Variants in HPSE2 observed in about 807,000 individuals in gnomAD.
HPSE2 encodes heparanase 2 (inactive), also known as inactive heparanase-2.
HPSE2 carries 38 observed loss-of-function variants against 60.5 expected under a neutral mutation model. The observed-to-expected ratio is 0.63, with a 90% CI of 0.48 to 0.82. The LOEUF is 0.82. HPSE2 is among the 40% of genes least tolerant of loss of function. The probability of loss-of-function intolerance (pLI) is 0.00; values close to 1 mark genes in which losing one functional copy is unlikely to be tolerated. For missense variants in HPSE2, 713 were observed against 740.4 expected (o/e 0.96, Z 0.43); for synonymous variants, 295 against 293.2 (o/e 1.01, Z -0.06).
intron 3 of HPSE2, among the ~76,000 whole-genome samples, chr10:98,926,350 T>A (rs1176227477): frequency 6.6e-6 from 1 of 152,142 alleles, no homozygotes; most frequent in East Asian, 1.9e-4. Context: ...ATATTAAATA[T>A]AACCAGATGG....
intron 9 of HPSE2, among the ~76,000 whole-genome samples, chr10:98,513,547 A>G (rs1942492199): frequency 6.6e-6 from 1 of 152,160 alleles, no homozygotes; most frequent in Non-Finnish European, 1.5e-5. Flanking sequence ...AGTGAAAGCA[A>G]TCATAAACTT....
chr10:99,079,078 C>T (rs185276604), intron 3 of HPSE2, among the ~76,000 whole-genome samples: 2 of 152,168 alleles, frequency 1.3e-5, no homozygotes, highest in East Asian at 1.9e-4. Flanking sequence ...CCATTTGTTC[C>T]GTATTGAGTC....
At chr10:98,762,294 G>C (rs971035153) in intron 3 of HPSE2, among the ~76,000 whole-genome samples, 6 of 113,778 alleles carry the variant, frequency 5.3e-5, no homozygotes, top group Admixed American at 1.0e-4. Context: ...TGGCGGGGGT[G>C]GGGGGTGGGG....
intron 3 of HPSE2, among the ~76,000 whole-genome samples, chr10:98,951,116 A>G (rs1955343651): frequency 6.6e-6 from 1 of 152,204 alleles, no homozygotes; most frequent in Admixed American, 6.5e-5. Context: ...ATGAGGAAGA[A>G]GATGAAAGAG....
chr10:98,691,562 C>T (rs1033211415), intron 6 of HPSE2, among the ~76,000 whole-genome samples: 29 of 152,240 alleles, frequency 1.9e-4, no homozygotes, highest in African/African-American at 7.0e-4. Flanking sequence ...ATGCTGATAT[C>T]ATTATCTTTC....
intron 3 of HPSE2, among the ~76,000 whole-genome samples, chr10:98,974,010 G>C (rs1020319677): frequency 2.0e-5 from 3 of 152,142 alleles, no homozygotes; most frequent in Non-Finnish European, 4.4e-5. Context: ...TGATTTGTAG[G>C]CTGGGCATGG....
chr10:99,166,536 G>A (rs953916592), intron 2 of HPSE2, among the ~76,000 whole-genome samples: 8 of 151,970 alleles, frequency 5.3e-5, no homozygotes, highest in African/African-American at 1.7e-4. Context: ...GGTATTTTCA[G>A]TTATCTTTGT....
At chr10:99,089,684 AG>A (rs1843445722) in intron 3 of HPSE2, among the ~76,000 whole-genome samples, 1 of 151,974 alleles carries the variant, frequency 6.6e-6, no homozygotes, top group Non-Finnish European at 1.5e-5. Context: ...TATGAATTAT[AG>A]GTTTGTTTTC....
At chr10:98,692,623 G>C (rs1948105051) in intron 6 of HPSE2, among the ~76,000 whole-genome samples, 1 of 152,070 alleles carries the variant, frequency 6.6e-6, no homozygotes, top group African/African-American at 2.4e-5. Flanking sequence ...CAAAAAATTA[G>C]CCGGGCATGG....
chr10:99,299,093 C>T, the HPSE2 span, among the ~76,000 whole-genome samples: 1 of 152,106 alleles, frequency 6.6e-6, no homozygotes, highest in Admixed American at 6.5e-5. Flanking sequence ...ATGAACCCCT[C>T]CTAGTTGCTC....
chr10:98,889,947 T>TA (rs1953286507), intron 3 of HPSE2, among the ~76,000 whole-genome samples: 1 of 152,158 alleles, frequency 6.6e-6, no homozygotes, highest in Admixed American at 6.5e-5. Flanking sequence ...TATAACTCTT[T>TA]ACAAGGAAAA....
intron 2 of HPSE2, among the ~76,000 whole-genome samples, chr10:99,192,407 C>A (rs1488165339): frequency 6.6e-6 from 1 of 152,106 alleles, no homozygotes; most frequent in Admixed American, 6.5e-5. Context: ...CAATGGACTT[C>A]TCAGTGGAAA....
intron 3 of HPSE2, among the ~76,000 whole-genome samples, chr10:98,857,820 A>G (rs1165582038): frequency 6.6e-6 from 1 of 152,198 alleles, no homozygotes; most frequent in Non-Finnish European, 1.5e-5. Context: ...GAATATTTAC[A>G]TTTGTAAGGC....
chr10:98,500,677 G>A (rs1042822199), intron 9 of HPSE2, among the ~76,000 whole-genome samples: 4 of 152,072 alleles, frequency 2.6e-5, no homozygotes, highest in African/African-American at 9.7e-5. Context: ...ACCAAGATCA[G>A]AGCAGAGCTA....
rs1456994659 is a variant in HPSE2, at chr10:98,822,445, T to A, written c.611-78389A>T. On this transcript the variant is annotated intron_variant, in intron 3 of 11. Coordinates refer to ENST00000370552, the MANE Select transcript of HPSE2 (RefSeq NM_021828.5). ...CAAGAATAATCACTAAAAATTATAA[T>A]GTTTAATAAACTGCTTATAGAGAAA... Among the ~76,000 whole-genome samples the A allele has an allele frequency of 2.0e-5, 3 of 152,324 alleles. No homozygotes were observed. In the South Asian group the frequency reaches 6.2e-4, roughly 32 times the overall value.
upstream of HPSE2, among the ~76,000 whole-genome samples, chr10:99,239,235 T>G (rs1289139634): frequency 6.6e-6 from 1 of 152,008 alleles, no homozygotes; most frequent in Non-Finnish European, 1.5e-5. Flanking sequence ...GATGTCTCCT[T>G]GGAAACGCTC....
At chr10:98,469,993 A>T (rs1190514348) in intron 11 of HPSE2, among the ~76,000 whole-genome samples, 1 of 152,166 alleles carries the variant, frequency 6.6e-6, no homozygotes, top group Non-Finnish European at 1.5e-5. Context: ...GTGGAGAGGG[A>T]CCAGGTTTCC....
chr10:98,538,255 G>A (rs1049787711), intron 9 of HPSE2, among the ~76,000 whole-genome samples: 12 of 151,996 alleles, frequency 7.9e-5, no homozygotes, highest in East Asian at 5.8e-4. Flanking sequence ...ACAATCTTTC[G>A]TCTCCGCACA....
At chr10:99,056,386 A>G (rs1314630837) in intron 3 of HPSE2, among the ~76,000 whole-genome samples, 1 of 152,178 alleles carries the variant, frequency 6.6e-6, no homozygotes, top group African/African-American at 2.4e-5. Flanking sequence ...AAGGCTTAAC[A>G]TCAATAGTAC....
Sources: gnomAD v4.1 joint callset for allele counts (sites outside exome capture counted in the v4.1 genomes callset) on GRCh38, gnomAD v4.1.1 for gene constraint, MANE v1.5 for transcripts, NCBI Gene and HGNC (gene_info 2026-07-23, HGNC 2026-07-21) for gene names.